Variants in TIMD4 observed in about 807,000 individuals in gnomAD.
TIMD4 encodes T cell immunoglobulin and mucin domain containing 4, also known as T-cell immunoglobulin and mucin domain-containing protein 4.
In TIMD4, 31 loss-of-function variants were observed where a neutral mutation model predicts 41.2. The observed-to-expected ratio is 0.75, with a 90% confidence interval of 0.57 to 1.01. The LOEUF (loss-of-function observed/expected upper bound fraction) is 1.01, where lower values mean the gene tolerates loss of function less well. Among genes scored for constraint, TIMD4 ranks in the 50% least tolerant of loss-of-function variants. The pLI, the probability that TIMD4 is intolerant of heterozygous loss-of-function variation, is 0.00. For synonymous variants in TIMD4, 204 were observed against 177.1 expected (o/e 1.15, Z -1.21); for missense variants, 479 against 472.5 (o/e 1.01, Z -0.13).
chr5:156,938,060 T>G (rs181129645), intron 5 of TIMD4, among the ~76,000 whole-genome samples: 36 of 152,358 alleles, frequency 2.4e-4, no homozygotes, highest in African/African-American at 8.2e-4. Flanking sequence ...AACTTTTCCA[T>G]GCCCTTGATC....
chr5:156,938,739 C>T (rs747319053), intron 5 of TIMD4, among the ~76,000 whole-genome samples: 16 of 152,166 alleles, frequency 1.1e-4, no homozygotes, highest in Non-Finnish European at 2.9e-5. Flanking sequence ...AACATTCATC[C>T]TCTAGCAATT....
At position 156,952,511 on chromosome 5, in the gene TIMD4, T is replaced by G. The variant is rs576305577; in HGVS notation, c.401-721A>C. Among the ~76,000 whole-genome samples, 257 of 152,224 alleles carry G rather than the reference T, an allele frequency of 1.7e-3. No homozygotes were observed. In the Middle Eastern group the frequency reaches 0.017, roughly 10 times the overall value. ...ACTGGCATTTATTTAGCTCTTTGAA[T>G]ATATCAGCAACCTTCCCGCTGCACG... is the stretch of plus-strand genomic sequence containing the variant. On this transcript the variant is annotated intron_variant, in intron 2 of 8. Transcript: ENST00000274532.
At chr5:156,944,666 G>C (rs936105821) in intron 5 of TIMD4, among the ~76,000 whole-genome samples, 1 of 152,088 alleles carries the variant, frequency 6.6e-6, no homozygotes, top group East Asian at 1.9e-4. Context: ...CACCACGCCT[G>C]GCTAATTTTT....
intron 5 of TIMD4, among the ~76,000 whole-genome samples, chr5:156,945,598 A>T (rs1192019121): frequency 1.3e-5 from 2 of 152,244 alleles, no homozygotes; most frequent in African/African-American, 4.8e-5. Flanking sequence ...TTACCAAAAA[A>T]ACAGTGGGAA....
intron 1 of TIMD4, among the ~76,000 whole-genome samples, chr5:156,957,939 C>T (rs1047366124): frequency 6.6e-6 from 1 of 152,024 alleles, no homozygotes; most frequent in Admixed American, 6.6e-5. Flanking sequence ...TTTATTTTCC[C>T]AAGTACTTTT....
At chr5:156,962,927 C>A (rs373095270) in intron 1 of TIMD4, among the ~76,000 whole-genome samples, 146 of 152,224 alleles carry the variant, frequency 9.6e-4, no homozygotes, top group African/African-American at 3.4e-3. Context: ...CAAATTACCC[C>A]AGCCTAAAAC....
At chr5:156,940,766 C>A (rs1759634409) in intron 5 of TIMD4, among the ~76,000 whole-genome samples, 1 of 151,834 alleles carries the variant, frequency 6.6e-6, no homozygotes, top group African/African-American at 2.4e-5. Flanking sequence ...GCTGCCCCAT[C>A]TGGGAGGTAG....
At chr5:156,921,764 G>A (rs1409166313) in intron 7 of TIMD4, among the ~76,000 whole-genome samples, 3 of 151,846 alleles carry the variant, frequency 2.0e-5, no homozygotes, top group Admixed American at 2.0e-4. Context: ...GTAGGAAATA[G>A]TACTTTCCTC....
Position 156,949,735 on chromosome 5 carries a change from G to C in TIMD4, c.680-4C>G, listed in dbSNP as rs1470964963. ...CTGGGGAGGACAGTTTCTGATTCTGGAAGAGAAAAAAGTTGGATAAAAGGC... is the reference window on the plus strand; with the variant it reads ...CTGGGGAGGACAGTTTCTGATTCTGCAAGAGAAAAAAGTTGGATAAAAGGC... On this transcript the variant is annotated splice_polypyrimidine_tract_variant and splice_region_variant and intron_variant, in intron 3 of 8. Transcript: ENST00000274532. 7 of 1,609,090 alleles carry C rather than the reference G, an allele frequency of 4.4e-6. No homozygotes were observed. The African/African-American group carries it at 8.0e-5, about 18-fold the overall frequency.
chr5:156,940,995 C>T (rs1759640687), intron 5 of TIMD4, among the ~76,000 whole-genome samples: 1 of 152,226 alleles, frequency 6.6e-6, no homozygotes, highest in Admixed American at 6.5e-5. Context: ...CCTTGGGATG[C>T]TGTTAATCTA....
At chr5:156,940,020 T>C (rs1233531214) in intron 5 of TIMD4, among the ~76,000 whole-genome samples, 1 of 152,264 alleles carries the variant, frequency 6.6e-6, no homozygotes, top group Non-Finnish European at 1.5e-5. Flanking sequence ...GAGGCTGGAC[T>C]GTACTGCCGC....
chr5:156,941,304 T>C (rs1163979170), intron 5 of TIMD4, among the ~76,000 whole-genome samples: 1 of 151,854 alleles, frequency 6.6e-6, no homozygotes, highest in Non-Finnish European at 1.5e-5. Flanking sequence ...CACCCAAGAA[T>C]GATCAATAAA....
chr5:156,928,212 C>T (rs888227963), intron 5 of TIMD4, among the ~76,000 whole-genome samples: 4 of 152,020 alleles, frequency 2.6e-5, no homozygotes, highest in African/African-American at 7.3e-5. Context: ...GCAGGAGAAT[C>T]GCTTGAACCC....
intron 5 of TIMD4, chr5:156,935,763 A>T (rs1270971098): frequency 6.6e-6 from 1 of 152,266 alleles, no homozygotes; most frequent in African/African-American, 2.4e-5. Context: ...ACACCCTAGC[A>T]ACAAAATCTC....
chr5:156,935,501 C>CGCCT (rs1238810628), intron 5 of TIMD4: 1 of 152,130 alleles, frequency 6.6e-6, no homozygotes, highest in Non-Finnish European at 1.5e-5. Flanking sequence ...ATCAGTCAGG[C>CGCCT]GTTCCTTAGT....
intron 1 of TIMD4, among the ~76,000 whole-genome samples, chr5:156,956,220 ATCT>A (rs2113393214): frequency 6.6e-6 from 1 of 151,882 alleles, no homozygotes; most frequent in African/African-American, 2.4e-5. Flanking sequence ...TATAAGTGAG[ATCT>A]TCTATTTGTC....
chr5:156,953,949 C>T (rs1285255125), intron 2 of TIMD4, among the ~76,000 whole-genome samples: 1 of 152,206 alleles, frequency 6.6e-6, no homozygotes, highest in Non-Finnish European at 1.5e-5. Context: ...CTGAAAACTG[C>T]TATGACTGTG....
intron 1 of TIMD4, among the ~76,000 whole-genome samples, chr5:156,959,825 A>T (rs994196964): frequency 3.3e-5 from 5 of 152,160 alleles, no homozygotes; most frequent in African/African-American, 1.2e-4. Context: ...GGATCACCTG[A>T]GGTCAGGAGT....
chr5:156,928,520 A>G (rs757999621), intron 5 of TIMD4, among the ~76,000 whole-genome samples: 7 of 152,230 alleles, frequency 4.6e-5, no homozygotes, highest in Non-Finnish European at 8.8e-5. Flanking sequence ...AAGTCTTAAA[A>G]TAGAAACAGA....
Sources: gnomAD v4.1 joint callset for allele counts (sites outside exome capture counted in the v4.1 genomes callset) on GRCh38, gnomAD v4.1.1 for gene constraint, MANE v1.5 for transcripts, NCBI Gene and HGNC (gene_info 2026-07-23, HGNC 2026-07-21) for gene names.